TK2: variants seen among roughly 807,000 people sequenced by gnomAD.
The protein encoded by TK2 is thymidine kinase 2, mitochondrial.
A neutral mutation model predicts 41.9 loss-of-function variants in TK2; 35 were observed. The observed-to-expected ratio is 0.84, with a 90% CI of 0.64 to 1.11. The LOEUF is 1.11. TK2 is among the 50% of genes least tolerant of loss of function. The pLI, the probability that TK2 is intolerant of heterozygous loss-of-function variation, is 0.00. For synonymous variants in TK2, 128 were observed against 129.1 expected (o/e 0.99, Z 0.06); for missense variants, 320 against 351.1 (o/e 0.91, Z 0.71).
chr16:66,518,091 A>C, intron 6 of TK2: 1 of 609,778 alleles, frequency 1.6e-6, no homozygotes, highest in South Asian at 1.7e-5. Context: ...ACAATGCTGC[A>C]AGGGCCATGG....
chr16:66,517,762 G>A lies in TK2; in HGVS notation c.538+27C>T, dbSNP rs1372683276. 1.2e-6 allele frequency: 2 copies of A among 1,606,690 alleles called. No homozygotes were observed. The highest frequency in any genetic ancestry group is 1.7e-5 in the Admixed American group (1 of 60,006). On this transcript the variant is annotated intron_variant, in intron 7 of 9. Coordinates refer to ENST00000544898, the MANE Select transcript of TK2 (RefSeq NM_004614.5). This position sits in a 1 kb window ranked among gnomAD's most constrained non-coding sequence, Gnocchi z 4.3. ...CAAGGGACCCAGGAGAGAGACAAGA[G>A]AGGGAGGTGGGAGGGGTGCATCTCA...
chr16:66,521,622 G>A (rs1023162585), intron 6 of TK2, among the ~76,000 whole-genome samples: 3 of 152,192 alleles, frequency 2.0e-5, no homozygotes, highest in Non-Finnish European at 2.9e-5. Flanking sequence ...CCATGACTCC[G>A]AGGGACATGG....
At chr16:66,538,055 C>T (rs547324481) in intron 3 of TK2, among the ~76,000 whole-genome samples, 3 of 152,016 alleles carry the variant, frequency 2.0e-5, no homozygotes, top group Non-Finnish European at 4.4e-5. Context: ...CCCAGATACT[C>T]GGGAGGCTGA....
At chr16:66,524,324 G>A (rs1169035386) in intron 6 of TK2, among the ~76,000 whole-genome samples, 1 of 152,060 alleles carries the variant, frequency 6.6e-6, no homozygotes, top group Non-Finnish European at 1.5e-5. Flanking sequence ...TGGACCACCT[G>A]GCTACCAGCT....
intron 2 of TK2, among the ~76,000 whole-genome samples, chr16:66,547,808 C>T (rs1965654774): frequency 6.6e-6 from 1 of 152,212 alleles, no homozygotes; most frequent in Non-Finnish European, 1.5e-5. Context: ...TGAATGTTTA[C>T]AAACAGTCCT....
chr16:66,546,607 T>C (rs1167072626), intron 2 of TK2: 10 of 152,060 alleles, frequency 6.6e-5, no homozygotes, highest in African/African-American at 2.4e-4. Flanking sequence ...TATACTTTTG[T>C]TGGTTTTGTT....
At chr16:66,524,220 AC>A (rs1450106765) in intron 6 of TK2, among the ~76,000 whole-genome samples, 1 of 152,098 alleles carries the variant, frequency 6.6e-6, no homozygotes, top group South Asian at 2.1e-4. Context: ...TGTTCTTATG[AC>A]CCCCAAAGGT....
chr16:66,549,654 T>C (rs1965722323), intron 1 of TK2: 3 of 1,205,114 alleles, frequency 2.5e-6, no homozygotes, highest in East Asian at 7.4e-5. Flanking sequence ...GGACAGGAAA[T>C]GGGTCGGGGG....
At chr16:66,531,266 A>G in intron 5 of TK2, 114 bp downstream of exon 5, 1 of 1,011,072 alleles carries the variant, frequency 9.9e-7, no homozygotes. Context: ...AGAGGCCTGC[A>G]CAGCACTGAA....
intron 8 of TK2, among the ~76,000 whole-genome samples, chr16:66,515,042 G>A (rs1964570343): frequency 6.6e-6 from 1 of 151,970 alleles, no homozygotes; most frequent in Non-Finnish European, 1.5e-5. Context: ...AGGCGGCAGG[G>A]CCCTCTGCCT....
At chr16:66,547,986 T>C (rs1249537421) in intron 2 of TK2, 1 of 1,286,780 alleles carries the variant, frequency 7.8e-7, no homozygotes, top group Non-Finnish European at 1.0e-6. Context: ...TCATCACAGC[T>C]ACTCAGGAGG....
chr16:66,547,893 C>G (rs1328337657), intron 2 of TK2: 2 of 1,260,598 alleles, frequency 1.6e-6, no homozygotes, highest in African/African-American at 1.5e-5. Context: ...AAACCACACC[C>G]AAAAAGCACA....
At position 66,508,627 on chromosome 16, in the gene TK2, C is replaced by G. The variant is rs938130029; in HGVS notation, c.*3341G>C. On this transcript the variant is annotated 3_prime_UTR_variant, in exon 10 of 10. Coordinates refer to ENST00000544898, the MANE Select transcript of TK2 (RefSeq NM_004614.5). The stretch of plus-strand genomic sequence containing the variant: ...GATTCCATAGCACCCTGTGGGTAGA[C>G]AGGTTTCAGGACCACCTTTTACCTG... The G allele has an allele frequency of 6.6e-6, 1 of 152,212 alleles. No individual in the cohort carries two copies. Among genetic ancestry groups the G allele is most frequent in the Non-Finnish European group, 1.5e-5 (1 of 68,056 alleles). The allele number at this position is 152,212 out of a possible 1,614,324, so 9.4% of individuals were successfully genotyped here.
intron 2 of TK2, among the ~76,000 whole-genome samples, chr16:66,546,863 C>T (rs1965624823): frequency 1.3e-5 from 2 of 151,950 alleles, no homozygotes; most frequent in African/African-American, 4.8e-5. Context: ...GCAACCCTCC[C>T]ACCTCAGCCT....
rs1179452618 is a variant in TK2, at chr16:66,520,066, G to A, written c.450-2189C>T. ...GTATTTGACAGAGGAGCGGGAGAGT[G>A]GACGGAGAACAGCAGCGGGGCCTGA... is the stretch of plus-strand genomic sequence containing the variant. On this transcript the variant is annotated intron_variant, in intron 6 of 9. Transcript: ENST00000544898. Among the ~76,000 whole-genome samples, 21 of 152,310 alleles carry A rather than the reference G, an allele frequency of 1.4e-4. 1 individual carries two copies. Among genetic ancestry groups the A allele is most frequent in the Admixed American group, 1.3e-3 (20 of 15,296 alleles).
intron 2 of TK2, among the ~76,000 whole-genome samples, chr16:66,543,755 A>G (rs1288734750): frequency 1.3e-5 from 2 of 151,830 alleles, no homozygotes; most frequent in Admixed American, 6.6e-5. Context: ...GTCTCACCCG[A>G]CCCCACTAAA....
At chr16:66,544,703 C>G (rs1406997330) in intron 2 of TK2, among the ~76,000 whole-genome samples, 1 of 152,222 alleles carries the variant, frequency 6.6e-6, no homozygotes, top group Admixed American at 6.5e-5. Context: ...ATGATTATAA[C>G]TGAAACTGTG....
chr16:66,531,423 G>A lies in TK2; in HGVS notation c.332C>T (p.Thr111Ile). 1.2e-6 allele frequency: 2 copies of A among 1,614,230 alleles called. No homozygotes were observed. The highest frequency in any genetic ancestry group is 8.5e-7 in the Non-Finnish European group (1 of 1,180,042). ...GTCCAGCATGGTGAGCTGCACATAA[G>A]TCTGTAGCGTAAGACCCCAGCGAGA... Reference protein sequence around the residue: ...DASRWGLTLQTYVQLTMLDRH... With the variant: ...DASRWGLTLQIYVQLTMLDRH... Residue 111 changes from threonine to isoleucine, a missense_variant, in exon 5 of 10, where the codon ACT (threonine) becomes ATT (isoleucine). Coordinates refer to ENST00000544898, the MANE Select transcript of TK2 (RefSeq NM_004614.5).
intron 8 of TK2, among the ~76,000 whole-genome samples, chr16:66,515,889 G>A (rs990772191): frequency 6.6e-6 from 1 of 152,180 alleles, no homozygotes; most frequent in Admixed American, 6.5e-5. Context: ...TTCAGGAGTT[G>A]GATAGGCTTC....
Sources: gnomAD v4.1 joint callset for allele counts (sites outside exome capture counted in the v4.1 genomes callset) on GRCh38, gnomAD v4.1.1 for gene constraint, Gnocchi (gnomAD v3.1) non-coding constraint, MANE v1.5 for transcripts, NCBI Gene and HGNC (gene_info 2026-07-23, HGNC 2026-07-21) for gene names.